Variants in GLT8D2 observed in about 807,000 individuals in gnomAD.
The protein encoded by GLT8D2 is glycosyltransferase 8 domain containing 2.
GLT8D2 carries 45 observed loss-of-function variants against 44.5 expected under a neutral mutation model. That is an observed-to-expected ratio of 1.01 (90% CI 0.80 to 1.30). The LOEUF (loss-of-function observed/expected upper bound fraction) is 1.30, where lower values mean the gene tolerates loss of function less well. Ranked by LOEUF, GLT8D2 falls within the 50% of genes most tolerant of loss-of-function variation. The pLI, the probability that GLT8D2 is intolerant of heterozygous loss-of-function variation, is 0.00. For missense variants in GLT8D2, 400 were observed against 430.4 expected (o/e 0.93, Z 0.62); for synonymous variants, 156 against 157.2 (o/e 0.99, Z 0.06).
intron 1 of GLT8D2, among the ~76,000 whole-genome samples, chr12:104,055,565 T>A (rs1172138946): frequency 2.0e-5 from 3 of 152,230 alleles, no homozygotes; most frequent in African/African-American, 7.2e-5. Context: ...CCCCATGCAA[T>A]ATGTATGCAT....
At chr12:104,021,702 T>C (rs1245143229) in intron 1 of GLT8D2, among the ~76,000 whole-genome samples, 2 of 150,810 alleles carry the variant, frequency 1.3e-5, no homozygotes, top group Non-Finnish European at 2.9e-5. Context: ...GGAAGGAGGA[T>C]CACTTGAGCC....
intron 1 of GLT8D2, among the ~76,000 whole-genome samples, chr12:104,033,980 GC>G (rs1282416192): frequency 1.3e-5 from 2 of 151,998 alleles, no homozygotes; most frequent in Non-Finnish European, 2.9e-5. Context: ...ACCAGGGTTG[GC>G]TGAATATATA....
chr12:104,031,673 C>T (rs1362443182), intron 1 of GLT8D2: 1 of 706,430 alleles, frequency 1.4e-6, no homozygotes, highest in African/African-American at 1.8e-5. Flanking sequence ...AGATGGGGAC[C>T]AGTGGCTCCC....
At chr12:104,056,440 C>T (rs1882189860) in intron 1 of GLT8D2, among the ~76,000 whole-genome samples, 1 of 152,212 alleles carries the variant, frequency 6.6e-6, no homozygotes, top group South Asian at 2.1e-4. Context: ...CCACCTCCAG[C>T]ACCAGATTCT....
upstream of GLT8D2, among the ~76,000 whole-genome samples, chr12:104,052,697 G>C (rs1881824714): frequency 6.6e-6 from 1 of 151,964 alleles, no homozygotes; most frequent in Non-Finnish European, 1.5e-5. Context: ...CTTTCTCCTG[G>C]AGAGGCTTGA....
At chr12:104,044,125 G>A (rs1279026123) in intron 1 of GLT8D2, among the ~76,000 whole-genome samples, 2 of 151,998 alleles carry the variant, frequency 1.3e-5, no homozygotes, top group African/African-American at 2.4e-5. Context: ...TGATCACACC[G>A]GCCTCCTTGC....
intron 1 of GLT8D2, among the ~76,000 whole-genome samples, chr12:104,060,102 C>T (rs1050422705): frequency 1.3e-5 from 2 of 152,176 alleles, no homozygotes; most frequent in Non-Finnish European, 2.9e-5. Context: ...CTTCCCTGAC[C>T]TCTCTGTGGC....
intron 1 of GLT8D2, among the ~76,000 whole-genome samples, chr12:104,041,275 G>T (rs949030502): frequency 6.6e-6 from 1 of 152,104 alleles, no homozygotes; most frequent in African/African-American, 2.4e-5. Context: ...TTAGCTGGGC[G>T]TGGTGACAGG....
chr12:104,016,774 A>AGAAGGAAAGGAAG (rs1555278941), intron 3 of GLT8D2, among the ~76,000 whole-genome samples: 24 of 58,398 alleles, frequency 4.1e-4, no homozygotes, highest in Non-Finnish European at 6.7e-4. Context: ...AAAGAAAGAA[A>AGAAGGAAAGGAAG]GAAGGAAGGA....
Position 104,020,543 on chromosome 12 carries a change from C to A in GLT8D2, c.-29+814G>T, listed in dbSNP as rs886484335. ...AGTACTGGTCCCTATCCTCCTGAAG[C>A]TTTTGGTCCAGTGGGGGAAACAGAT... On this transcript the variant is annotated intron_variant, in intron 2 of 10. Coordinates refer to ENST00000360814, the MANE Select transcript of GLT8D2 (RefSeq NM_001384711.1). Among the ~76,000 whole-genome samples the A allele has an allele frequency of 3.9e-5, 6 of 152,158 alleles. 1 individual carries two copies. The highest frequency in any genetic ancestry group is 2.0e-4 in the Admixed American group (3 of 15,272).
At chr12:104,059,810 CT>C (rs1244256548) in intron 1 of GLT8D2, among the ~76,000 whole-genome samples, 6 of 152,146 alleles carry the variant, frequency 3.9e-5, no homozygotes, top group African/African-American at 1.4e-4. Flanking sequence ...CTCTTCCGAC[CT>C]TTTGTTTGCA....
intron 1 of GLT8D2, among the ~76,000 whole-genome samples, chr12:104,039,807 A>G (rs1472261147): frequency 2.6e-5 from 4 of 152,250 alleles, no homozygotes; most frequent in Non-Finnish European, 1.5e-5. Flanking sequence ...TATATACCCA[A>G]AGGATTATAA....
intron 1 of GLT8D2, among the ~76,000 whole-genome samples, chr12:104,038,968 C>G (rs913691074): frequency 6.6e-6 from 1 of 152,114 alleles, no homozygotes; most frequent in Admixed American, 6.5e-5. Context: ...TGCAACAGAA[C>G]AGAGGCCTCA....
At chr12:104,001,685 T>C (rs191591177) in intron 5 of GLT8D2, among the ~76,000 whole-genome samples, 558 of 152,164 alleles carry the variant, frequency 3.7e-3, no homozygotes, top group Middle Eastern at 6.8e-3. Context: ...AGAAAAACTT[T>C]ATTTATTTAT....
Position 104,003,269 on chromosome 12 carries a change from CTCT to C in GLT8D2, c.147_149del (p.Glu50del), listed in dbSNP as rs764645451. On this transcript the variant is annotated inframe_deletion, in exon 5 of 11. Coordinates refer to ENST00000360814, the MANE Select transcript of GLT8D2 (RefSeq NM_001384711.1). ...CTGCAGCACAAATCACCACAGGAATCTCTTCTTCCAGTTCTTCAGGAGTCTCGG... is the reference window on the plus strand; with the variant it reads ...CTGCAGCACAAATCACCACAGGAATCTCTTCCAGTTCTTCAGGAGTCTCGG... 330 of 1,614,020 alleles carry C rather than the reference CTCT, an allele frequency of 2.0e-4. 1 individual carries two copies. Among genetic ancestry groups the C allele is most frequent in the Non-Finnish European group, 1.9e-4 (227 of 1,180,014 alleles).
At chr12:104,048,838 A>G (rs1264031885) in intron 1 of GLT8D2, among the ~76,000 whole-genome samples, 1 of 152,178 alleles carries the variant, frequency 6.6e-6, no homozygotes, top group Non-Finnish European at 1.5e-5. Context: ...GTCCTGTATT[A>G]TGTCCTCTAT....
upstream of GLT8D2, among the ~76,000 whole-genome samples, chr12:104,051,089 C>T (rs971666563): frequency 7.2e-5 from 11 of 151,798 alleles, no homozygotes; most frequent in Non-Finnish European, 2.9e-5. Context: ...GCTGGGATTA[C>T]AGGCGTGAGC....
chr12:104,055,138 C>A (rs770863811), upstream of GLT8D2, among the ~76,000 whole-genome samples: 4 of 152,152 alleles, frequency 2.6e-5, no homozygotes, highest in African/African-American at 4.8e-5. Context: ...CCAGCAAGAG[C>A]GGCCCTCCCA....
chr12:104,030,079 T>C (rs1384268503), intron 1 of GLT8D2, among the ~76,000 whole-genome samples: 2 of 152,194 alleles, frequency 1.3e-5, no homozygotes, highest in Non-Finnish European at 2.9e-5. Flanking sequence ...CATTTCCTAA[T>C]TTTAAATTAT....
Sources: allele counts gnomAD v4.1 joint callset (sites outside exome capture counted in the v4.1 genomes callset), GRCh38; gene constraint gnomAD v4.1.1; transcripts MANE v1.5; gene names NCBI Gene and HGNC (gene_info 2026-07-23, HGNC 2026-07-21).